Variants in CHSY1 observed in about 807,000 individuals in gnomAD.
CHSY1 encodes the protein N-acetylgalactosaminyl-proteoglycan 3-beta-glucuronosyltransferase 1.
A neutral mutation model predicts 59.8 loss-of-function variants in CHSY1; 13 were observed. The ratio of observed to expected loss-of-function variants is 0.22; its 90% CI spans 0.14 to 0.35. The LOEUF (loss-of-function observed/expected upper bound fraction) is 0.35, where lower values mean the gene tolerates loss of function less well. CHSY1 is among the 10% of genes least tolerant of loss of function. The probability of loss-of-function intolerance (pLI) is 1.00; values close to 1 mark genes in which losing one functional copy is unlikely to be tolerated. For synonymous variants in CHSY1, 459 were observed against 401.2 expected (o/e 1.14, Z -1.72); for missense variants, 947 against 1,030.6 (o/e 0.92, Z 1.11).
chr15:101,201,144 C>T (rs1360094772), intron 2 of CHSY1, among the ~76,000 whole-genome samples: 1 of 151,700 alleles, frequency 6.6e-6, no homozygotes, highest in Admixed American at 6.6e-5. Context: ...GGTGGCGGGG[C>T]AAGCCAGAGA....
intron 2 of CHSY1, among the ~76,000 whole-genome samples, chr15:101,223,050 G>C (rs962392540): frequency 6.6e-6 from 1 of 152,218 alleles, no homozygotes; most frequent in African/African-American, 2.4e-5. Flanking sequence ...CTGTAGTGCA[G>C]TGGCGCTGTC....
intron 1 of CHSY1, among the ~76,000 whole-genome samples, chr15:101,240,241 A>G (rs903260757): frequency 6.6e-6 from 1 of 152,226 alleles, no homozygotes. Context: ...CACAAAGTGA[A>G]CGAGTTCAGG....
intron 2 of CHSY1, among the ~76,000 whole-genome samples, chr15:101,234,820 T>G (rs2038924870): frequency 6.6e-6 from 1 of 152,050 alleles, no homozygotes; most frequent in Non-Finnish European, 1.5e-5. Context: ...TGAGCCGAGA[T>G]GGCGCCACTG....
chr15:101,176,089 G>A lies in CHSY1; in HGVS notation c.*1299C>T, dbSNP rs1447986623. 1.3e-5 allele frequency: 5 copies of A among 396,108 alleles called. No individual in the cohort carries two copies. Among genetic ancestry groups the A allele is most frequent in the Non-Finnish European group, 1.8e-5 (4 of 224,900 alleles). The allele number at this position is 396,108 out of a possible 1,614,324, so 24.5% of individuals were successfully genotyped here. On this transcript the variant is annotated 3_prime_UTR_variant, in exon 3 of 3. Transcript: ENST00000254190. ...AGTAAGGAATATAAAAATTAAGGAGGGGAAAAAGCGTTTCCAAAAGGAAAT... is the reference window on the plus strand; with the variant it reads ...AGTAAGGAATATAAAAATTAAGGAGAGGAAAAAGCGTTTCCAAAAGGAAAT...
chr15:101,217,549 G>T (rs74040392), intron 2 of CHSY1, among the ~76,000 whole-genome samples: 1 of 152,114 alleles, frequency 6.6e-6, no homozygotes, highest in Non-Finnish European at 1.5e-5. Context: ...GGAAATACAC[G>T]AGATGAGCCT....
At chr15:101,222,373 T>A (rs577097999) in intron 2 of CHSY1, among the ~76,000 whole-genome samples, 1 of 152,204 alleles carries the variant, frequency 6.6e-6, no homozygotes, top group African/African-American at 2.4e-5. Context: ...TAAAGAAGAA[T>A]TGTAAAGATG....
chr15:101,190,622 A>C (rs572952040), intron 2 of CHSY1, among the ~76,000 whole-genome samples: 1 of 152,382 alleles, frequency 6.6e-6, no homozygotes, highest in South Asian at 2.1e-4. Flanking sequence ...GACTTAATTA[A>C]AGTTAAAAAC....
chr15:101,250,915 G>A (rs972055048), intron 1 of CHSY1, among the ~76,000 whole-genome samples: 6 of 152,168 alleles, frequency 3.9e-5, no homozygotes, highest in Admixed American at 3.9e-4. Context: ...GGCCACACTA[G>A]TCCATCTGAC....
intron 2 of CHSY1, among the ~76,000 whole-genome samples, chr15:101,213,527 A>C (rs2038702857): frequency 6.6e-6 from 1 of 152,244 alleles, no homozygotes; most frequent in Non-Finnish European, 1.5e-5. Flanking sequence ...TGAATATTCT[A>C]AGATTATTCT....
intron 2 of CHSY1, among the ~76,000 whole-genome samples, chr15:101,214,957 T>C (rs2038717212): frequency 6.6e-6 from 1 of 152,254 alleles, no homozygotes; most frequent in Admixed American, 6.5e-5. Context: ...CTCTTGACAG[T>C]GAGTTCTCGC....
Position 101,178,906 on chromosome 15 carries a change from A to G in CHSY1, c.891T>C (p.Ile297=). The change falls in exon 3 of 3, where the codon ATT becomes ATC. Residue 297 remains isoleucine (I), a synonymous_variant. Transcript: ENST00000254190. ...GYIRDLHNSK[I]HQAITLHPNK... ...TGGGGTGTAATGTGATAGCTTGGTG[A>G]ATTTTACTGTTATGGAGATCTCTAA... 3 of 1,614,066 alleles carry G rather than the reference A, an allele frequency of 1.9e-6. No individual in the cohort carries two copies. The highest frequency in any genetic ancestry group is 2.5e-6 in the Non-Finnish European group (3 of 1,179,992).
rs553657055 is a variant in CHSY1 at position 101,197,393 on chromosome 15, T to A, written c.817-18413A>T. Among the ~76,000 whole-genome samples, 398 of 152,358 alleles carry A rather than the reference T, an allele frequency of 2.6e-3. 1 individual carries two copies. Among genetic ancestry groups the A allele is most frequent in the Non-Finnish European group, 3.7e-3 (254 of 68,038 alleles). On this transcript the variant is annotated intron_variant, in intron 2 of 2. Coordinates refer to ENST00000254190, the MANE Select transcript of CHSY1 (RefSeq NM_014918.5). ...TCACAAATGTATTCCCAAGCTCACC[T>A]GTTATGGCAGAGGAAGAACTAAAAG... is the stretch of plus-strand genomic sequence containing the variant.
chr15:101,248,510 G>C (rs572105714), intron 1 of CHSY1, among the ~76,000 whole-genome samples: 4 of 152,226 alleles, frequency 2.6e-5, no homozygotes, highest in Non-Finnish European at 4.4e-5. Context: ...AGTGACATTA[G>C]CTGGACACTA....
At chr15:101,189,504 G>C (rs575770146) in intron 2 of CHSY1, 2 of 984,408 alleles carry the variant, frequency 2.0e-6, no homozygotes, top group Non-Finnish European at 2.4e-6. Flanking sequence ...CAGTGCAGCC[G>C]GGTTTAAAGG....
rs191352373 is a variant in CHSY1, at chr15:101,248,146, G to A, written c.320+2991C>T. Reference sequence around the variant, plus strand: ...TCAGCACATCGATTTCCAAACTAGAGTTCTACCTTGTGCTAGAAGAGTCAA... The same window carrying A: ...TCAGCACATCGATTTCCAAACTAGAATTCTACCTTGTGCTAGAAGAGTCAA... On this transcript the variant is annotated intron_variant, in intron 1 of 2. Transcript: ENST00000254190. Among the ~76,000 whole-genome samples, 26 of 152,300 alleles carry A rather than the reference G, an allele frequency of 1.7e-4. No individual in the cohort carries two copies. The East Asian group carries it at 4.6e-3, about 27-fold the overall frequency.
At chr15:101,229,694 G>A (rs1354135451) in intron 2 of CHSY1, among the ~76,000 whole-genome samples, 1 of 152,082 alleles carries the variant, frequency 6.6e-6, no homozygotes, top group Non-Finnish European at 1.5e-5. Flanking sequence ...ATCACTTGAG[G>A]CCAGGAGTTC....
rs1047506264 is a variant in CHSY1 at position 101,175,965 on chromosome 15, G to A, written c.*1423C>T. ...ATTTATTAAGGCACATTTGATCTGA[G>A]AATTTAACTTTCTGGTATAATGACA... On this transcript the variant is annotated 3_prime_UTR_variant, in exon 3 of 3. Transcript: ENST00000254190. The A allele has an allele frequency of 3.6e-6, 1 of 276,976 alleles. No homozygotes were observed. Among genetic ancestry groups the A allele is most frequent in the Non-Finnish European group, 6.7e-6 (1 of 150,348 alleles). 17.2% of individuals were successfully genotyped at this position (276,976 alleles called of 1,614,324 possible).
chr15:101,246,027 G>A (rs1198618485), intron 1 of CHSY1, among the ~76,000 whole-genome samples: 1 of 152,216 alleles, frequency 6.6e-6, no homozygotes, highest in Non-Finnish European at 1.5e-5. Context: ...GTTGGTAGAG[G>A]AACAGTCCGT....
chr15:101,251,500 G>GCCGCCGC lies in CHSY1; in HGVS notation c.-45_-44insGCGGCGG. Reference sequence around the variant, plus strand: ...GCCGGGCCGCCGCCGCAGGCTCCGCGCGCCCTCAGCCCGCTGCCCCCGCCC... The same window carrying GCCGCCGC: ...GCCGGGCCGCCGCCGCAGGCTCCGCGCCGCCGCCGCCCTCAGCCCGCTGCCCCCGCCC... On this transcript the variant is annotated 5_prime_UTR_variant, in exon 1 of 3. Coordinates refer to ENST00000254190, the MANE Select transcript of CHSY1 (RefSeq NM_014918.5). 11 of 44,842 alleles carry GCCGCCGC rather than the reference G, an allele frequency of 2.5e-4. No individual in the cohort carries two copies. The highest frequency in any genetic ancestry group is 9.2e-4 in the East Asian group (1 of 1,090). The allele number at this position is 44,842 out of a possible 1,614,324, so 2.8% of individuals were successfully genotyped here. A position where few individuals can be genotyped will look rare whatever the true frequency, so the allele number is the denominator to read the frequency against.
Sources: gnomAD v4.1 joint callset for allele counts (sites outside exome capture counted in the v4.1 genomes callset) on GRCh38, gnomAD v4.1.1 for gene constraint, MANE v1.5 for transcripts, NCBI Gene and HGNC (gene_info 2026-07-23, HGNC 2026-07-21) for gene names.